MTFR1: variants seen among roughly 807,000 people sequenced by gnomAD.
MTFR1 encodes the protein mitochondrial fission regulator 1.
A neutral mutation model predicts 38.8 loss-of-function variants in MTFR1; 28 were observed. The ratio of observed to expected loss-of-function variants is 0.72; its 90% confidence interval spans 0.53 to 0.99. The LOEUF is 0.99. Ranked by LOEUF, MTFR1 falls within the 50% of genes least tolerant of loss-of-function variation. The pLI is 0.00. For synonymous variants in MTFR1, 145 were observed against 137.0 expected (o/e 1.06, Z -0.41); for missense variants, 358 against 395.5 (o/e 0.91, Z 0.81).
At chr8:65,669,785 G>A in intron 1 of MTFR1, 88 bp from the exon 2 acceptor site, 1 of 608,498 alleles carries the variant, frequency 1.6e-6, no homozygotes. Context: ...TTTTAAAAAT[G>A]TTTTAGGCTT....
rs190191936 is a variant in MTFR1, at chr8:65,768,486, G to T, written c.*49-2461G>T. On this transcript the variant is annotated intron_variant, in intron 3 of 3. Transcript: ENST00000521247. ...TCTCTTGCCTTGTCTGCTGCCATGT[G>T]AGATGTGCCTTTCACCTTCGGCCGT... Among the ~76,000 whole-genome samples the T allele has an allele frequency of 1.7e-3, 263 of 152,330 alleles. 1 individual carries two copies. Among genetic ancestry groups the T allele is most frequent in the Admixed American group, 3.1e-3 (47 of 15,304 alleles).
At position 65,709,151 on chromosome 8, in the gene MTFR1, T is replaced by C. The variant is rs1260027283; in HGVS notation, c.*107T>C. ...TAGTAAATACCTCTTTAGTATTCAGTGGTCTTCTTTTCAGGCTAATTAGTG... is the reference window on the plus strand; with the variant it reads ...TAGTAAATACCTCTTTAGTATTCAGCGGTCTTCTTTTCAGGCTAATTAGTG... On this transcript the variant is annotated 3_prime_UTR_variant, in exon 8 of 8. Transcript: ENST00000262146. The C allele has an allele frequency of 1.3e-5, 13 of 1,011,208 alleles. No homozygotes were observed. In the African/African-American group the frequency reaches 2.1e-4, roughly 16 times the overall value. 62.6% of individuals were successfully genotyped at this position (1,011,208 alleles called of 1,614,324 possible).
intron 4 of MTFR1, among the ~76,000 whole-genome samples, chr8:65,700,618 C>T (rs796854547): frequency 1.3e-5 from 2 of 152,138 alleles, no homozygotes; most frequent in African/African-American, 4.8e-5. Flanking sequence ...CTAAGGAGAA[C>T]GTATAGTCTG....
intron 3 of MTFR1, among the ~76,000 whole-genome samples, chr8:65,755,010 T>A (rs1220588200): frequency 1.3e-5 from 2 of 148,378 alleles, no homozygotes; most frequent in African/African-American, 2.4e-5. Context: ...GCCTGTTTAT[T>A]TTTTTTTTCA....
At chr8:65,740,530 A>T (rs1395068192) in intron 3 of MTFR1, among the ~76,000 whole-genome samples, 2 of 152,094 alleles carry the variant, frequency 1.3e-5, no homozygotes, top group Non-Finnish European at 2.9e-5. Flanking sequence ...CCTCCCGAGT[A>T]GCAGGGAGTA....
chr8:65,769,467 T>C (rs1187540488), intron 3 of MTFR1, among the ~76,000 whole-genome samples: 5 of 152,184 alleles, frequency 3.3e-5, no homozygotes, highest in Non-Finnish European at 5.9e-5. Flanking sequence ...CTAGAAGAAT[T>C]CGTAATCATC....
chr8:65,658,860 TA>T (rs530626477), intron 1 of MTFR1, among the ~76,000 whole-genome samples: 2 of 152,264 alleles, frequency 1.3e-5, no homozygotes, highest in African/African-American at 4.8e-5. Context: ...CAAGAGCTTC[TA>T]AAAGAGCTTA....
chr8:65,668,200 G>A (rs1804450271), intron 1 of MTFR1, among the ~76,000 whole-genome samples: 1 of 143,322 alleles, frequency 7.0e-6, no homozygotes, highest in Admixed American at 7.2e-5. Flanking sequence ...TTTTTTGAGA[G>A]GGAGTCTTGC....
At chr8:65,756,859 C>T (rs991876122) in intron 3 of MTFR1, among the ~76,000 whole-genome samples, 1 of 151,964 alleles carries the variant, frequency 6.6e-6, no homozygotes, top group Non-Finnish European at 1.5e-5. Flanking sequence ...ACTGGGGAAG[C>T]TCTGGAAACT....
intron 4 of MTFR1, among the ~76,000 whole-genome samples, chr8:65,696,727 C>A (rs1325361294): frequency 1.3e-5 from 2 of 151,726 alleles, no homozygotes; most frequent in African/African-American, 2.4e-5. Context: ...GGGATGCAGT[C>A]TTGGCTTACT....
At position 65,664,272 on chromosome 8, in the gene MTFR1, AACAG is replaced by A. The variant is rs779090250; in HGVS notation, c.-80-5595_-80-5592del. Among the ~76,000 whole-genome samples the A allele has an allele frequency of 3.3e-5, 5 of 152,380 alleles. No individual in the cohort carries two copies. The South Asian group carries it at 8.3e-4, about 25-fold the overall frequency. ...AGCACTTTTATTTGTAATAGCTAAA[AACAG>A]ACAGATGAGTACATGAATTGTGTTA... On this transcript the variant is annotated intron_variant, in intron 1 of 7. Coordinates refer to ENST00000262146, the MANE Select transcript of MTFR1 (RefSeq NM_014637.4).
intron 3 of MTFR1, among the ~76,000 whole-genome samples, chr8:65,749,963 C>G: frequency 6.6e-6 from 1 of 152,156 alleles, no homozygotes; most frequent in East Asian, 1.9e-4. Context: ...AAGTATATAA[C>G]GGACTCTTCT....
intron 3 of MTFR1, among the ~76,000 whole-genome samples, chr8:65,754,628 C>T (rs988903201): frequency 2.0e-5 from 3 of 151,006 alleles, no homozygotes; most frequent in Admixed American, 2.0e-4. Flanking sequence ...AGCCACCATG[C>T]CCAGCCGTTA....
At chr8:65,708,853 A>T in intron 7 of MTFR1, 123 bp from the exon 8 acceptor site, 1 of 823,096 alleles carries the variant, frequency 1.2e-6, no homozygotes, top group Non-Finnish European at 2.0e-6. Flanking sequence ...TAATATTCCC[A>T]GTAGTTGCTT....
At chr8:65,683,011 G>A (rs1306335200) in intron 3 of MTFR1, 2 of 823,030 alleles carry the variant, frequency 2.4e-6, no homozygotes, top group Non-Finnish European at 2.9e-6. Context: ...GAAAGTCTTA[G>A]TCTTAGAACT....
intron 4 of MTFR1, among the ~76,000 whole-genome samples, chr8:65,694,746 G>T (rs758357114): frequency 6.6e-6 from 1 of 152,214 alleles, no homozygotes; most frequent in Non-Finnish European, 1.5e-5. Context: ...GGTCACTGCA[G>T]GATGAGAGAT....
intron 5 of MTFR1, 144 bp downstream of exon 5, chr8:65,705,073 C>A: frequency 1.4e-6 from 1 of 711,256 alleles, no homozygotes; most frequent in East Asian, 2.9e-5. Context: ...TGCCTGTAAT[C>A]CCAGCACTTT....
intron 3 of MTFR1, among the ~76,000 whole-genome samples, chr8:65,767,374 A>G (rs184140568): frequency 4.6e-5 from 7 of 152,372 alleles, no homozygotes; most frequent in Admixed American, 1.3e-4. Context: ...AGGTTGAATA[A>G]AAGTTTTTAA....
chr8:65,775,904 G>A (rs954195796), downstream of MTFR1, among the ~76,000 whole-genome samples: 10 of 152,086 alleles, frequency 6.6e-5, no homozygotes, highest in African/African-American at 1.2e-4. Flanking sequence ...GCTAGATTAC[G>A]GGCGTGAGCC....
Sources: gnomAD v4.1 joint callset for allele counts (sites outside exome capture counted in the v4.1 genomes callset) on GRCh38, gnomAD v4.1.1 for gene constraint, MANE v1.5 for transcripts, NCBI Gene and HGNC (gene_info 2026-07-23, HGNC 2026-07-21) for gene names.